The following EBF2 variants were observed in gnomAD, a reference collection of about 807,000 sequenced individuals.
EBF2 encodes transcription factor COE2.
A neutral mutation model predicts 72.8 loss-of-function variants in EBF2; 21 were observed. That is an observed-to-expected ratio of 0.29 (90% CI 0.20 to 0.42). The LOEUF is 0.42. Among genes scored for constraint, EBF2 ranks in the 10% least tolerant of loss-of-function variants. The probability of loss-of-function intolerance (pLI) is 1.00; values close to 1 mark genes in which losing one functional copy is unlikely to be tolerated. For missense variants in EBF2, 637 were observed against 731.2 expected (o/e 0.87, Z 1.49); for synonymous variants, 299 against 274.2 (o/e 1.09, Z -0.89).
chr8:25,974,767 C>CA (rs554577345), intron 6 of EBF2, among the ~76,000 whole-genome samples: 17 of 151,974 alleles, frequency 1.1e-4, no homozygotes, highest in Non-Finnish European at 1.2e-4. Flanking sequence ...CTACTGTAGC[C>CA]AAAAAAATAC....
chr8:25,912,270 G>A (rs1344723163), intron 6 of EBF2, among the ~76,000 whole-genome samples: 8 of 152,116 alleles, frequency 5.3e-5, no homozygotes, highest in South Asian at 2.1e-4. Context: ...ATTGGAGCCT[G>A]GATCTTTGTG....
At chr8:25,930,852 G>A (rs1803467685) in intron 6 of EBF2, among the ~76,000 whole-genome samples, 1 of 152,076 alleles carries the variant, frequency 6.6e-6, no homozygotes, top group Non-Finnish European at 1.5e-5. Context: ...ACACACAGTA[G>A]GCATATAGAA....
chr8:25,984,434 G>A (rs1415479654), intron 6 of EBF2, among the ~76,000 whole-genome samples: 2 of 152,156 alleles, frequency 1.3e-5, no homozygotes, highest in Non-Finnish European at 2.9e-5. Flanking sequence ...GTAATCCCCA[G>A]CACTTTGGGA....
At chr8:26,029,339 T>C (rs1482632854) in intron 6 of EBF2, among the ~76,000 whole-genome samples, 2 of 152,238 alleles carry the variant, frequency 1.3e-5, no homozygotes, top group Admixed American at 1.3e-4. Flanking sequence ...AAACTCTTAA[T>C]TGGCCATTGA....
chr8:25,865,420 T>C (rs117765291), intron 10 of EBF2, among the ~76,000 whole-genome samples: 2,106 of 152,222 alleles, frequency 0.014, 109 homozygotes, highest in Admixed American at 0.091. Context: ...GCAGGAAGTC[T>C]ATGGCATACA....
intron 6 of EBF2, among the ~76,000 whole-genome samples, chr8:25,989,061 G>A (rs1292414152): frequency 6.6e-6 from 1 of 152,254 alleles, no homozygotes; most frequent in African/African-American, 2.4e-5. Flanking sequence ...CCTAGGCTCT[G>A]TCACTTACTG....
intron 6 of EBF2, among the ~76,000 whole-genome samples, chr8:25,956,247 C>G (rs902292966): frequency 6.6e-6 from 1 of 151,964 alleles, no homozygotes; most frequent in Non-Finnish European, 1.5e-5. Context: ...GGAGAAACCC[C>G]GTCTCTACTA....
chr8:25,995,855 G>T (rs528897318), intron 6 of EBF2, among the ~76,000 whole-genome samples: 1 of 151,682 alleles, frequency 6.6e-6, no homozygotes, highest in Non-Finnish European at 1.5e-5. Context: ...ATAATACATA[G>T]TAATCATAAA....
chr8:25,963,295 C>G (rs1304636724), intron 6 of EBF2, among the ~76,000 whole-genome samples: 1 of 152,154 alleles, frequency 6.6e-6, no homozygotes, highest in Non-Finnish European at 1.5e-5. Context: ...TTTTTCTCCT[C>G]CCTGATACCA....
intron 6 of EBF2, among the ~76,000 whole-genome samples, chr8:26,030,969 C>T (rs754236991): frequency 6.6e-6 from 1 of 152,172 alleles, no homozygotes; most frequent in South Asian, 2.1e-4. Context: ...AAAACATGAG[C>T]ATATTCAACT....
chr8:25,850,802 C>A, intron 14 of EBF2, 41 bp from the exon 15 acceptor site: 1 of 1,537,114 alleles, frequency 6.5e-7, no homozygotes. Flanking sequence ...AAATTAAGAT[C>A]TTCCTTCAGT....
intron 10 of EBF2, among the ~76,000 whole-genome samples, chr8:25,877,940 C>T (rs1802550001): frequency 6.6e-6 from 1 of 152,132 alleles, no homozygotes; most frequent in South Asian, 2.1e-4. Context: ...CATGATTTGG[C>T]ATTGTCTGGA....
chr8:25,956,404 T>C (rs1803948641), intron 6 of EBF2, among the ~76,000 whole-genome samples: 1 of 148,756 alleles, frequency 6.7e-6, no homozygotes, highest in Non-Finnish European at 1.5e-5. Context: ...AAACTCCTTC[T>C]CAAAAAAAAA....
chr8:25,893,271 A>ATT (rs201829098), intron 7 of EBF2, among the ~76,000 whole-genome samples: 2,555 of 111,250 alleles, frequency 0.023, 114 homozygotes, highest in Middle Eastern at 0.036. Flanking sequence ...TAATTCTTCC[A>ATT]TTTTTTTTTT....
intron 6 of EBF2, among the ~76,000 whole-genome samples, chr8:25,957,236 G>A (rs1328800348): frequency 2.6e-5 from 4 of 152,166 alleles, no homozygotes; most frequent in Non-Finnish European, 5.9e-5. Context: ...AGATAATGAA[G>A]ATCATGATGC....
chr8:25,953,520 G>C (rs965758504), intron 6 of EBF2, among the ~76,000 whole-genome samples: 3 of 152,190 alleles, frequency 2.0e-5, no homozygotes, highest in African/African-American at 7.2e-5. Context: ...ATGGGTGGTG[G>C]AACCCATTTC....
intron 14 of EBF2, among the ~76,000 whole-genome samples, chr8:25,853,669 G>C (rs565889758): frequency 1.1e-4 from 17 of 152,052 alleles, no homozygotes; most frequent in Non-Finnish European, 1.9e-4. Flanking sequence ...AGTCACGACT[G>C]TGCCAAAAAT....
intron 6 of EBF2, among the ~76,000 whole-genome samples, chr8:26,007,299 T>G (rs987910400): frequency 2.0e-5 from 3 of 152,106 alleles, no homozygotes; most frequent in African/African-American, 7.2e-5. Context: ...TCCACAGCCT[T>G]GAGGGGGCCC....
chr8:25,925,568 G>A (rs538972457), intron 6 of EBF2, among the ~76,000 whole-genome samples: 20 of 152,274 alleles, frequency 1.3e-4, no homozygotes, highest in Admixed American at 5.9e-4. Context: ...TCAGCCAATC[G>A]TCATGAATGC....
Sources: allele counts gnomAD v4.1 joint callset (sites outside exome capture counted in the v4.1 genomes callset), GRCh38; gene constraint gnomAD v4.1.1; transcripts MANE v1.5; gene names NCBI Gene and HGNC (gene_info 2026-07-23, HGNC 2026-07-21).